The following PCDH9 variants were observed in gnomAD, a reference collection of about 807,000 sequenced individuals.
PCDH9 encodes the protein protocadherin-9.
PCDH9 carries 24 observed loss-of-function variants against 70.6 expected under a neutral mutation model. That is an observed-to-expected ratio of 0.34 (90% confidence interval 0.25 to 0.48). The LOEUF is 0.48. Among genes scored for constraint, PCDH9 ranks in the 20% least tolerant of loss-of-function variants. The pLI, the probability that PCDH9 is intolerant of heterozygous loss-of-function variation, is 0.99. For synonymous variants in PCDH9, 562 were observed against 558.5 expected, an observed-to-expected ratio of 1.01 and a Z score of -0.09; for missense variants, 1,281 against 1,503.6, an observed-to-expected ratio of 0.85 and a Z score of 2.45.
At chr13:66,701,122 T>C (rs368213007) in intron 3 of PCDH9, among the ~76,000 whole-genome samples, 2 of 151,412 alleles carry the variant, frequency 1.3e-5, no homozygotes, top group Admixed American at 6.6e-5. Flanking sequence ...GATATTTGCA[T>C]TTCGTAAACT....
chr13:66,309,034 T>G (rs1158548832), intron 4 of PCDH9, among the ~76,000 whole-genome samples: 7 of 152,150 alleles, frequency 4.6e-5, no homozygotes. Context: ...TTTTTATTTT[T>G]AATTTTTGTA....
chr13:67,011,039 C>A (rs1403714001), intron 2 of PCDH9, among the ~76,000 whole-genome samples: 2 of 151,916 alleles, frequency 1.3e-5, no homozygotes, highest in African/African-American at 4.8e-5. Context: ...GAAATGAAGA[C>A]ATATGTATGA....
At chr13:67,133,980 G>T (rs1163561218) in intron 2 of PCDH9, among the ~76,000 whole-genome samples, 2 of 151,940 alleles carry the variant, frequency 1.3e-5, no homozygotes, top group Admixed American at 1.3e-4. Context: ...TATTAAAACA[G>T]GTATTGATGA....
At chr13:66,530,721 AGAT>A (rs1177958319) in intron 4 of PCDH9, among the ~76,000 whole-genome samples, 2 of 151,958 alleles carry the variant, frequency 1.3e-5, no homozygotes, top group Non-Finnish European at 2.9e-5. Context: ...CCAGCAAGTA[AGAT>A]GATAGTAAAA....
intron 2 of PCDH9, among the ~76,000 whole-genome samples, chr13:67,006,935 G>T (rs903297465): frequency 7.9e-5 from 12 of 152,100 alleles, no homozygotes; most frequent in Non-Finnish European, 1.5e-4. Flanking sequence ...AAAGGGAAAT[G>T]ATGTAATTTC....
chr13:66,544,562 GCTAC>G (rs2138665444), intron 4 of PCDH9, among the ~76,000 whole-genome samples: 1 of 152,264 alleles, frequency 6.6e-6, no homozygotes, highest in Non-Finnish European at 1.5e-5. Flanking sequence ...GTAGAACAGT[GCTAC>G]CTTACAGGCA....
intron 2 of PCDH9, chr13:67,224,730 CTTTTTTT>C (rs200944675): frequency 1.3e-5 from 7 of 527,944 alleles, no homozygotes; most frequent in South Asian, 8.5e-5. Context: ...AGCAAGCATT[CTTTTTTT>C]TTTTTTTTTT....
At chr13:66,401,548 A>T (rs1030847269) in intron 4 of PCDH9, among the ~76,000 whole-genome samples, 2 of 151,982 alleles carry the variant, frequency 1.3e-5, no homozygotes, top group African/African-American at 4.8e-5. Context: ...ATGAGAATGG[A>T]CTCATATGGT....
At chr13:67,005,049 T>A in intron 2 of PCDH9, among the ~76,000 whole-genome samples, 1 of 151,976 alleles carries the variant, frequency 6.6e-6, no homozygotes, top group East Asian at 1.9e-4. Flanking sequence ...GTCTCCTTTG[T>A]AAAGAGCAGG....
chr13:67,066,138 T>C (rs1366765704), intron 2 of PCDH9, among the ~76,000 whole-genome samples: 2 of 152,162 alleles, frequency 1.3e-5, no homozygotes, highest in African/African-American at 2.4e-5. Context: ...TTGTTTCTCA[T>C]AGTATTTTTT....
chr13:66,838,877 T>C (rs2081069006), intron 3 of PCDH9, among the ~76,000 whole-genome samples: 1 of 152,108 alleles, frequency 6.6e-6, no homozygotes, highest in Non-Finnish European at 1.5e-5. Flanking sequence ...AAACGATCAC[T>C]TTAAAAATAA....
At chr13:66,367,725 A>G (rs941314920) in intron 4 of PCDH9, among the ~76,000 whole-genome samples, 1 of 152,182 alleles carries the variant, frequency 6.6e-6, no homozygotes, top group African/African-American at 2.4e-5. Context: ...AAAGTAAAAG[A>G]AGTGGCCATT....
At chr13:66,950,108 A>G (rs1467937940) in intron 2 of PCDH9, among the ~76,000 whole-genome samples, 1 of 152,130 alleles carries the variant, frequency 6.6e-6, no homozygotes. Flanking sequence ...TAAATATTAA[A>G]TTAAGTGATA....
In PCDH9 at chr13:66,308,724, C is replaced by A. The variant is rs531122737; in HGVS notation, c.3341-3696G>T. Among the ~76,000 whole-genome samples, 302 of 152,004 alleles carry A rather than the reference C, an allele frequency of 2.0e-3. 1 individual carries two copies. Among genetic ancestry groups the A allele is most frequent in the African/African-American group, 6.5e-3 (268 of 41,490 alleles). ...TAATTTCTCAAGAACCAGGTAAAAA[C>A]AGCAATGTCAAATTATCTAGTATCA... On this transcript the variant is annotated intron_variant, in intron 4 of 4. Transcript: ENST00000377865.
At chr13:66,703,757 G>T (rs1259842372) in intron 3 of PCDH9, among the ~76,000 whole-genome samples, 1 of 151,946 alleles carries the variant, frequency 6.6e-6, no homozygotes, top group Non-Finnish European at 1.5e-5. Flanking sequence ...AAGTATCCAG[G>T]CATAGTGGTG....
At chr13:67,020,306 G>A (rs1252400150) in intron 2 of PCDH9, among the ~76,000 whole-genome samples, 1 of 152,118 alleles carries the variant, frequency 6.6e-6, no homozygotes, top group Non-Finnish European at 1.5e-5. Flanking sequence ...CCAACCATCT[G>A]TCCCCTCCTA....
intron 4 of PCDH9, among the ~76,000 whole-genome samples, chr13:66,455,028 A>T: frequency 6.6e-6 from 1 of 152,242 alleles, no homozygotes; most frequent in South Asian, 2.1e-4. Context: ...TATTTCTTAC[A>T]TCTTTCAGAG....
chr13:66,851,929 A>G (rs942261595), intron 3 of PCDH9, among the ~76,000 whole-genome samples: 10 of 151,922 alleles, frequency 6.6e-5, no homozygotes, highest in African/African-American at 1.9e-4. Flanking sequence ...TTCCCTTCCT[A>G]CCTTGCATAT....
At chr13:67,063,649 C>T (rs2085583889) in intron 2 of PCDH9, among the ~76,000 whole-genome samples, 1 of 151,958 alleles carries the variant, frequency 6.6e-6, no homozygotes, top group South Asian at 2.1e-4. Flanking sequence ...GCTTTAAAAA[C>T]AATAGCAAAA....
Sources: gnomAD v4.1 joint callset for allele counts (sites outside exome capture counted in the v4.1 genomes callset) on GRCh38, gnomAD v4.1.1 for gene constraint, MANE v1.5 for transcripts, NCBI Gene and HGNC (gene_info 2026-07-23, HGNC 2026-07-21) for gene names.